Variants in PHLDB2 observed in about 807,000 individuals in gnomAD.
The protein encoded by PHLDB2 is pleckstrin homology-like domain family B member 2.
PHLDB2 carries 71 observed loss-of-function variants against 123.6 expected under a neutral mutation model. The ratio of observed to expected loss-of-function variants is 0.57; its 90% confidence interval spans 0.47 to 0.70. The LOEUF (loss-of-function observed/expected upper bound fraction) is 0.70. Among genes scored for constraint, PHLDB2 ranks in the 30% least tolerant of loss-of-function variants. The probability of loss-of-function intolerance (pLI) is 0.00; values close to 1 mark genes in which losing one functional copy is unlikely to be tolerated. For synonymous variants in PHLDB2, 547 were observed against 541.6 expected (o/e 1.01, Z -0.14); for missense variants, 1,446 against 1,519.5 (o/e 0.95, Z 0.80).
In PHLDB2 at chr3:111,754,955, A is replaced by T. The variant is rs1333940107; in HGVS notation, c.-49+22252A>T. 1.3e-4 allele frequency among the ~76,000 whole-genome samples: 19 copies of T among 145,006 alleles called. No individual in the cohort carries two copies. In the East Asian group the frequency reaches 1.7e-3, roughly 13 times the overall value. On this transcript the variant is annotated intron_variant, in intron 1 of 17. Transcript: ENST00000393923. ...TCTGTTTATATGCTGGATTACATTTATTGATTTGCATATATTGAACCAGAC... is the reference window on the plus strand; with the variant it reads ...TCTGTTTATATGCTGGATTACATTTTTTGATTTGCATATATTGAACCAGAC...
At chr3:111,748,604 C>T (rs1397312937) in intron 1 of PHLDB2, among the ~76,000 whole-genome samples, 1 of 152,162 alleles carries the variant, frequency 6.6e-6, no homozygotes, top group Non-Finnish European at 1.5e-5. Context: ...TCACTGCAAC[C>T]TCCATCTCCT....
chr3:111,794,245 G>T (rs534138281), intron 1 of PHLDB2, among the ~76,000 whole-genome samples: 1 of 127,548 alleles, frequency 7.8e-6, no homozygotes, highest in South Asian at 2.4e-4. Context: ...GCCGATTTCT[G>T]CCCTGCTTTA....
At chr3:111,837,260 G>T (rs889299744) in intron 1 of PHLDB2, among the ~76,000 whole-genome samples, 1 of 152,142 alleles carries the variant, frequency 6.6e-6, no homozygotes, top group African/African-American at 2.4e-5. Flanking sequence ...ATGAACAGAG[G>T]AAGAGCCAGA....
chr3:111,933,315 GTTA>G (rs2069251097), intron 6 of PHLDB2, among the ~76,000 whole-genome samples: 1 of 152,176 alleles, frequency 6.6e-6, no homozygotes, highest in Admixed American at 6.5e-5. Context: ...TTTCATCCAT[GTTA>G]TTATGTTTGT....
intron 1 of PHLDB2, among the ~76,000 whole-genome samples, chr3:111,818,812 G>A (rs914090466): frequency 6.6e-6 from 1 of 152,004 alleles, no homozygotes; most frequent in African/African-American, 2.4e-5. Context: ...TGAACCCCTT[G>A]AACCTTGGTC....
intron 1 of PHLDB2, among the ~76,000 whole-genome samples, chr3:111,829,146 A>C (rs1335702996): frequency 6.6e-6 from 1 of 152,144 alleles, no homozygotes; most frequent in Admixed American, 6.5e-5. Flanking sequence ...CAACACACTA[A>C]AATTCTAAAA....
chr3:111,767,143 G>A (rs904672581), intron 1 of PHLDB2, among the ~76,000 whole-genome samples: 8 of 151,560 alleles, frequency 5.3e-5, no homozygotes, highest in African/African-American at 1.7e-4. Flanking sequence ...TCTGTCCCCA[G>A]AGCTCCAGTG....
intron 1 of PHLDB2, among the ~76,000 whole-genome samples, chr3:111,738,996 C>T (rs768101264): frequency 3.3e-5 from 5 of 152,146 alleles, no homozygotes; most frequent in Non-Finnish European, 5.9e-5. Context: ...CTTCGGCTTT[C>T]GTGGCCTCAA....
In PHLDB2 at chr3:111,899,600, G is replaced by T. The variant is rs147177629; in HGVS notation, c.1336-13719G>T. ...AAAATAGATTTAGCATAATTCTTAA[G>T]GGCCTTGGTATTTTTGGAATGGTCA... On this transcript the variant is annotated intron_variant, in intron 2 of 17. Coordinates refer to ENST00000431670, the MANE Select transcript of PHLDB2 (RefSeq NM_001134438.2). Among the ~76,000 whole-genome samples the T allele has an allele frequency of 4.4e-3, 676 of 152,242 alleles. 5 individuals carry two copies. Among genetic ancestry groups the T allele is most frequent in the African/African-American group, 0.016 (646 of 41,534 alleles).
chr3:111,741,103 T>G (rs909934580), intron 1 of PHLDB2, among the ~76,000 whole-genome samples: 1 of 152,162 alleles, frequency 6.6e-6, no homozygotes, highest in African/African-American at 2.4e-5. Flanking sequence ...TGAATTCCTA[T>G]TATTGGACTG....
chr3:111,888,088 G>C (rs1319958971), intron 2 of PHLDB2, among the ~76,000 whole-genome samples: 1 of 152,080 alleles, frequency 6.6e-6, no homozygotes. Flanking sequence ...ATTACAGAGA[G>C]TGAGGGCACT....
At chr3:111,777,854 TA>T (rs2060293108) in intron 1 of PHLDB2, among the ~76,000 whole-genome samples, 1 of 152,138 alleles carries the variant, frequency 6.6e-6, no homozygotes. Context: ...GTTTTAGATG[TA>T]AAACACCTGT....
chr3:111,861,556 A>C (rs376775991), intron 1 of PHLDB2, among the ~76,000 whole-genome samples: 5 of 152,268 alleles, frequency 3.3e-5, no homozygotes, highest in African/African-American at 1.2e-4. Flanking sequence ...CATTTCAGTC[A>C]ATTTGCAGGC....
At chr3:111,820,134 C>T (rs1229022966) in intron 1 of PHLDB2, among the ~76,000 whole-genome samples, 1 of 152,152 alleles carries the variant, frequency 6.6e-6, no homozygotes, top group Non-Finnish European at 1.5e-5. Flanking sequence ...CTAACTACCA[C>T]ATGTAGAATC....
At chr3:111,945,700 G>A (rs2107615989) in intron 9 of PHLDB2, among the ~76,000 whole-genome samples, 1 of 152,046 alleles carries the variant, frequency 6.6e-6, no homozygotes, top group Non-Finnish European at 1.5e-5. Flanking sequence ...TCCTTCCTGA[G>A]TCTCCTTTCT....
intron 16 of PHLDB2, among the ~76,000 whole-genome samples, chr3:111,970,418 C>G (rs1025800607): frequency 6.6e-6 from 1 of 152,114 alleles, no homozygotes; most frequent in Non-Finnish European, 1.5e-5. Flanking sequence ...GATTGTCATA[C>G]GTCCCATTTA....
chr3:111,888,917 C>T (rs186178172), intron 2 of PHLDB2, among the ~76,000 whole-genome samples: 1 of 152,280 alleles, frequency 6.6e-6, no homozygotes, highest in East Asian at 1.9e-4. Context: ...TTTCCATCAA[C>T]TTCTGCCCTT....
chr3:111,955,405 G>T (rs375770623), intron 12 of PHLDB2, among the ~76,000 whole-genome samples: 3 of 152,054 alleles, frequency 2.0e-5, no homozygotes, highest in African/African-American at 4.8e-5. Context: ...TCACTGTTAA[G>T]TTGTGGGTCA....
intron 10 of PHLDB2, among the ~76,000 whole-genome samples, chr3:111,951,204 G>T (rs2070693846): frequency 6.6e-6 from 1 of 152,038 alleles, no homozygotes; most frequent in East Asian, 1.9e-4. Context: ...TCTTAGTATG[G>T]ACTACCTGGC....
Sources: gnomAD v4.1 joint callset for allele counts (sites outside exome capture counted in the v4.1 genomes callset) on GRCh38, gnomAD v4.1.1 for gene constraint, MANE v1.5 for transcripts, NCBI Gene and HGNC (gene_info 2026-07-23, HGNC 2026-07-21) for gene names.